The following GULP1 variants were observed in gnomAD, a reference collection of about 807,000 sequenced individuals.
The protein encoded by GULP1 is GULP PTB domain containing engulfment adaptor 1.
GULP1 carries 19 observed loss-of-function variants against 40.9 expected under a neutral mutation model. The ratio of observed to expected loss-of-function variants is 0.46; its 90% CI spans 0.32 to 0.68. GULP1 has a LOEUF of 0.68. GULP1 is among the 30% of genes least tolerant of loss of function. The pLI, the probability that GULP1 is intolerant of heterozygous loss-of-function variation, is 0.03. For missense variants in GULP1, 312 were observed against 362.2 expected (o/e 0.86, Z 1.12); for synonymous variants, 119 against 117.6 (o/e 1.01, Z -0.08).
chr2:188,428,375 T>C (rs989483021), intron 2 of GULP1, among the ~76,000 whole-genome samples: 1 of 152,102 alleles, frequency 6.6e-6, no homozygotes, highest in Non-Finnish European at 1.5e-5. Flanking sequence ...TGAGATTTGG[T>C]AGGGGCCAGG....
chr2:188,391,679 T>G (rs1335628337), intron 2 of GULP1, among the ~76,000 whole-genome samples: 1 of 152,090 alleles, frequency 6.6e-6, no homozygotes, highest in Non-Finnish European at 1.5e-5. Flanking sequence ...GGCATCCTTT[T>G]CTCATTGAGG....
intron 2 of GULP1, among the ~76,000 whole-genome samples, chr2:188,419,188 T>A (rs1372253778): frequency 6.6e-6 from 1 of 152,230 alleles, no homozygotes; most frequent in African/African-American, 2.4e-5. Context: ...CTCTTTGAGA[T>A]CCTGATTTCA....
At chr2:188,401,589 G>A (rs1057450554) in intron 2 of GULP1, among the ~76,000 whole-genome samples, 53 of 151,912 alleles carry the variant, frequency 3.5e-4, no homozygotes, top group Admixed American at 2.0e-3. Context: ...TTTGATTTAT[G>A]AGAAAAAAAA....
intron 1 of GULP1, among the ~76,000 whole-genome samples, chr2:188,344,369 A>G (rs983043640): frequency 2.6e-5 from 4 of 152,212 alleles, no homozygotes; most frequent in African/African-American, 9.6e-5. Flanking sequence ...GGAGAGAATC[A>G]GTCTGGTGAG....
intron 2 of GULP1, among the ~76,000 whole-genome samples, chr2:188,399,578 G>GA (rs900496562): frequency 1.3e-5 from 2 of 151,236 alleles, no homozygotes; most frequent in African/African-American, 4.9e-5. Context: ...AACTGTCCAG[G>GA]TGCAGTGGCT....
chr2:188,353,823 C>G (rs1471017704), intron 1 of GULP1, among the ~76,000 whole-genome samples: 2 of 151,844 alleles, frequency 1.3e-5, no homozygotes, highest in South Asian at 2.1e-4. Flanking sequence ...AGATACCAAA[C>G]CCCTCCTACC....
Position 188,368,939 on chromosome 2 carries a change from G to GTGTGTA in GULP1, c.-171-14823_-171-14822insGTGTAT, listed in dbSNP as rs1272494109. ...TATATATATGTATATATATATGTGT[G>GTGTGTA]TATATATATATATATATATATATAT... On this transcript the variant is annotated intron_variant, in intron 1 of 11. Coordinates refer to ENST00000409830, the MANE Select transcript of GULP1 (RefSeq NM_016315.4). 8.5e-4 allele frequency among the ~76,000 whole-genome samples: 73 copies of GTGTGTA among 86,074 alleles called. 1 individual carries two copies. The highest frequency in any genetic ancestry group is 1.1e-3 in the Non-Finnish European group (50 of 43,916). The allele number at this position is 86,074 out of a possible 152,430, so 56.5% of individuals were successfully genotyped here.
At chr2:188,417,576 T>G (rs2054750446) in intron 2 of GULP1, among the ~76,000 whole-genome samples, 1 of 152,210 alleles carries the variant, frequency 6.6e-6, no homozygotes, top group Non-Finnish European at 1.5e-5. Flanking sequence ...TAAAAATATT[T>G]CACTTAATTA....
chr2:188,426,491 A>G (rs1028067267), intron 2 of GULP1, among the ~76,000 whole-genome samples: 1 of 152,186 alleles, frequency 6.6e-6, no homozygotes, highest in Non-Finnish European at 1.5e-5. Flanking sequence ...AGATTCCCCC[A>G]TAAGAGACAG....
At chr2:188,324,435 G>A (rs2040457677) in intron 1 of GULP1, among the ~76,000 whole-genome samples, 1 of 152,006 alleles carries the variant, frequency 6.6e-6, no homozygotes, top group Admixed American at 6.6e-5. Flanking sequence ...ATAATATTCA[G>A]AAGAGCCTTC....
chr2:188,337,773 A>G lies in GULP1; in HGVS notation c.-172+45607A>G, dbSNP rs187339140. On this transcript the variant is annotated intron_variant, in intron 1 of 11. Transcript: ENST00000409830. ...CAGCCTGGTTCTCTGGCCACCTTGG[A>G]ATTTCTATAAGTCTGTAATATCCTT... is the stretch of plus-strand genomic sequence containing the variant. Among the ~76,000 whole-genome samples the G allele has an allele frequency of 1.1e-3, 171 of 152,010 alleles. 1 individual carries two copies. Among genetic ancestry groups the G allele is most frequent in the Admixed American group, 7.6e-3 (116 of 15,254 alleles).
intron 2 of GULP1, among the ~76,000 whole-genome samples, chr2:188,441,407 C>T (rs1286219581): frequency 6.6e-6 from 1 of 152,142 alleles, no homozygotes; most frequent in Admixed American, 6.6e-5. Context: ...CTAAACCACT[C>T]ACTGCATTTT....
chr2:188,296,314 AG>A (rs1042789176), intron 1 of GULP1, among the ~76,000 whole-genome samples: 1 of 152,122 alleles, frequency 6.6e-6, no homozygotes, highest in Non-Finnish European at 1.5e-5. Context: ...AATGGCTAAA[AG>A]TCATTGTTCC....
rs1206108308 is a variant in GULP1, at chr2:188,594,082, TAA to T, written c.*72_*73del. On this transcript the variant is annotated 3_prime_UTR_variant, in exon 12 of 12. Transcript: ENST00000409830. Reference sequence around the variant, plus strand: ...CACATGTCATTTATTATTATTACTTTAAGATAGGTATTATTCATGTGTCAATG... The same window carrying T: ...CACATGTCATTTATTATTATTACTTTGATAGGTATTATTCATGTGTCAATG... 1.2e-6 allele frequency: 1 copy of T among 827,774 alleles called. No individual in the cohort carries two copies. The highest frequency in any genetic ancestry group is 2.0e-5 in the Admixed American group (1 of 50,576). The allele number at this position is 827,774 out of a possible 1,614,324, so 51.3% of individuals were successfully genotyped here. A position where few individuals can be genotyped will look rare whatever the true frequency, so the allele number is the denominator to read the frequency against.
chr2:188,447,299 T>C (rs1048525532), intron 2 of GULP1, among the ~76,000 whole-genome samples: 2 of 152,094 alleles, frequency 1.3e-5, no homozygotes, highest in African/African-American at 4.8e-5. Context: ...TCAGCAGTTC[T>C]GAAAGGGAGG....
intron 7 of GULP1, among the ~76,000 whole-genome samples, chr2:188,557,778 C>T (rs962013171): frequency 2.6e-5 from 4 of 152,182 alleles, no homozygotes; most frequent in Admixed American, 2.6e-4. Context: ...GCAAGGCTCG[C>T]TTCTTACATT....
intron 2 of GULP1, among the ~76,000 whole-genome samples, chr2:188,417,989 G>GT (rs1450359403): frequency 6.6e-6 from 1 of 150,842 alleles, no homozygotes; most frequent in Non-Finnish European, 1.5e-5. Flanking sequence ...GTTTTGTTTT[G>GT]TTTTTTTAGA....
At chr2:188,547,885 A>T (rs1046612868) in intron 7 of GULP1, among the ~76,000 whole-genome samples, 1 of 152,144 alleles carries the variant, frequency 6.6e-6, no homozygotes, top group Admixed American at 6.6e-5. Flanking sequence ...AAGAAACGTG[A>T]TAATACCAGT....
chr2:188,486,751 GTTTTC>G (rs1016024909), intron 4 of GULP1, among the ~76,000 whole-genome samples: 1 of 151,844 alleles, frequency 6.6e-6, no homozygotes, highest in African/African-American at 2.4e-5. Context: ...TAGTTTTGGA[GTTTTC>G]TTTAATGTGC....
Sources: allele counts gnomAD v4.1 joint callset (sites outside exome capture counted in the v4.1 genomes callset), GRCh38; gene constraint gnomAD v4.1.1; transcripts MANE v1.5; gene names NCBI Gene and HGNC (gene_info 2026-07-23, HGNC 2026-07-21).